The following FARS2 variants were observed in gnomAD, a reference collection of about 807,000 sequenced individuals.
FARS2 encodes phenylalanine--tRNA ligase, mitochondrial.
In FARS2, 40 loss-of-function variants were observed where a neutral mutation model predicts 46.4. The observed-to-expected ratio is 0.86, with a 90% confidence interval of 0.67 to 1.12. FARS2 has a LOEUF of 1.12. Ranked by LOEUF, FARS2 falls within the 50% of genes most tolerant of loss-of-function variation. The pLI, the probability that FARS2 is intolerant of heterozygous loss-of-function variation, is 0.00. For missense variants in FARS2, 513 were observed against 567.9 expected, an observed-to-expected ratio of 0.90 and a Z score of 0.98; for synonymous variants, 234 against 214.9, an observed-to-expected ratio of 1.09 and a Z score of -0.78.
At chr6:5,524,110 TAA>T (rs1395069067) in intron 4 of FARS2, among the ~76,000 whole-genome samples, 1 of 151,768 alleles carries the variant, frequency 6.6e-6, no homozygotes, top group African/African-American at 2.4e-5. Flanking sequence ...TGACAATAGA[TAA>T]TGAATGTACC....
chr6:5,529,584 G>A (rs189785842), intron 4 of FARS2, among the ~76,000 whole-genome samples: 34 of 152,308 alleles, frequency 2.2e-4, no homozygotes, highest in Non-Finnish European at 4.0e-4. Flanking sequence ...GGGATTACAG[G>A]TGTCAGCCGC....
intron 4 of FARS2, among the ~76,000 whole-genome samples, chr6:5,494,016 A>T (rs1486505510): frequency 6.6e-6 from 1 of 152,170 alleles, no homozygotes; most frequent in Non-Finnish European, 1.5e-5. Context: ...AGCAGCAAGA[A>T]TTATTGGAGT....
intron 6 of FARS2, among the ~76,000 whole-genome samples, chr6:5,734,386 G>C (rs2145979): frequency 0.64 from 96,776 of 152,116 alleles, 30,988 homozygotes; most frequent in East Asian, 0.84. Context: ...AGGAAGCAGG[G>C]CTTGTGCTTT....
intron 1 of FARS2, among the ~76,000 whole-genome samples, chr6:5,315,577 AATC>A (rs1409296175): frequency 1.3e-5 from 2 of 152,200 alleles, no homozygotes; most frequent in Non-Finnish European, 2.9e-5. Flanking sequence ...GAAATGATCA[AATC>A]ACAACCTAAA....
chr6:5,642,374 T>A (rs552626763), intron 6 of FARS2, among the ~76,000 whole-genome samples: 1 of 152,310 alleles, frequency 6.6e-6, no homozygotes, highest in Non-Finnish European at 1.5e-5. Context: ...CAATAGGACT[T>A]TTTTGTTAAG....
At chr6:5,739,074 T>G (rs1761141320) in intron 6 of FARS2, among the ~76,000 whole-genome samples, 1 of 152,212 alleles carries the variant, frequency 6.6e-6, no homozygotes, top group Non-Finnish European at 1.5e-5. Context: ...GTTTTCCATC[T>G]CTATAATTTT....
At chr6:5,647,285 C>A (rs149290651) in intron 6 of FARS2, among the ~76,000 whole-genome samples, 1 of 152,102 alleles carries the variant, frequency 6.6e-6, no homozygotes, top group Non-Finnish European at 1.5e-5. Flanking sequence ...TCTCTGTTCC[C>A]TTAGTGTAGT....
At chr6:5,643,743 A>T (rs886124184) in intron 6 of FARS2, among the ~76,000 whole-genome samples, 13 of 152,098 alleles carry the variant, frequency 8.5e-5, no homozygotes, top group African/African-American at 3.1e-4. Context: ...AAACTGCTTG[A>T]TCCACAGTCT....
intron 5 of FARS2, among the ~76,000 whole-genome samples, chr6:5,608,266 C>G (rs1774962219): frequency 6.6e-6 from 1 of 152,080 alleles, no homozygotes; most frequent in African/African-American, 2.4e-5. Flanking sequence ...GGTAGGAAAA[C>G]TTTAAATTTG....
chr6:5,686,920 T>A (rs1345176402), intron 6 of FARS2, among the ~76,000 whole-genome samples: 3 of 152,234 alleles, frequency 2.0e-5, no homozygotes, highest in African/African-American at 7.2e-5. Flanking sequence ...GGTATCTCAT[T>A]GTGGTTTTGA....
rs80292486 is a variant in FARS2 at position 5,615,618 on chromosome 6, G to A, written c.1217+2298G>A. Among the ~76,000 whole-genome samples, 1,060 of 152,188 alleles carry A rather than the reference G, an allele frequency of 7.0e-3. 5 individuals carry two copies. Among genetic ancestry groups the A allele is most frequent in the African/African-American group, 0.02 (833 of 41,520 alleles). On this transcript the variant is annotated intron_variant, in intron 6 of 6. Transcript: ENST00000274680. ...TTTTCTGTGACTTTTCTGTTTCTCT[G>A]CCATTGTCCTCTTTTTTCCCTCAAT...
At chr6:5,731,010 T>G (rs578026450) in intron 6 of FARS2, among the ~76,000 whole-genome samples, 4 of 152,232 alleles carry the variant, frequency 2.6e-5, no homozygotes, top group Non-Finnish European at 4.4e-5. Flanking sequence ...TCAACCCTAA[T>G]GACTACACGC....
chr6:5,665,811 A>C (rs1236130113), intron 6 of FARS2, among the ~76,000 whole-genome samples: 1 of 152,200 alleles, frequency 6.6e-6, no homozygotes, highest in Non-Finnish European at 1.5e-5. Flanking sequence ...GAAGGACTCA[A>C]ATTGGTAAGT....
chr6:5,754,712 C>G (rs1384463308), intron 6 of FARS2, among the ~76,000 whole-genome samples: 1 of 152,188 alleles, frequency 6.6e-6, no homozygotes, highest in African/African-American at 2.4e-5. Context: ...TGTAGGTTGA[C>G]AGTTTCTTGG....
chr6:5,302,281 C>G (rs1457347571), intron 1 of FARS2, among the ~76,000 whole-genome samples: 1 of 152,164 alleles, frequency 6.6e-6, no homozygotes, highest in African/African-American at 2.4e-5. Flanking sequence ...TTCAGTAGGG[C>G]TTGGTGGGGA....
intron 6 of FARS2, among the ~76,000 whole-genome samples, chr6:5,671,991 A>G (rs532450642): frequency 1.0e-3 from 158 of 152,334 alleles, no homozygotes; most frequent in Middle Eastern, 3.4e-3. Flanking sequence ...CTTTTCCACA[A>G]AAATACCATG....
rs546936477 is a variant in FARS2, at chr6:5,344,764, T to A, written c.-21-23786T>A. On this transcript the variant is annotated intron_variant, in intron 1 of 6. Transcript: ENST00000274680. ...CCGCTTCTTCACTATGTAACCACAGTGCCTCGTTTTCTCTTTCTTTCTTTT... is the reference window on the plus strand; with the variant it reads ...CCGCTTCTTCACTATGTAACCACAGAGCCTCGTTTTCTCTTTCTTTCTTTT... 1.9e-4 allele frequency among the ~76,000 whole-genome samples: 29 copies of A among 152,036 alleles called. No homozygotes were observed. The South Asian group carries it at 5.8e-3, about 31-fold the overall frequency.
intron 6 of FARS2, among the ~76,000 whole-genome samples, chr6:5,682,075 T>A (rs1237904993): frequency 6.6e-6 from 1 of 152,208 alleles, no homozygotes; most frequent in Non-Finnish European, 1.5e-5. Context: ...TTAGCATTTC[T>A]ACTCTCAGTG....
At chr6:5,757,162 G>T (rs1192873620) in intron 6 of FARS2, among the ~76,000 whole-genome samples, 1 of 137,544 alleles carries the variant, frequency 7.3e-6, no homozygotes, top group Non-Finnish European at 1.5e-5. Flanking sequence ...ATGTAAGCCT[G>T]ACATCTTTTT....
Sources: gnomAD v4.1 joint callset for allele counts (sites outside exome capture counted in the v4.1 genomes callset) on GRCh38, gnomAD v4.1.1 for gene constraint, MANE v1.5 for transcripts, NCBI Gene and HGNC (gene_info 2026-07-23, HGNC 2026-07-21) for gene names.